The following UGGT2 variants were observed in gnomAD, a reference collection of about 807,000 sequenced individuals.
UGGT2 encodes the protein UDP-glucose glycoprotein glucosyltransferase 2, also known as UDP-glucose:glycoprotein glucosyltransferase 2.
Under a neutral mutation model 192.1 loss-of-function variants are expected in UGGT2, and 180 were observed. The ratio of observed to expected loss-of-function variants is 0.94; its 90% CI spans 0.83 to 1.06. The LOEUF (loss-of-function observed/expected upper bound fraction) is 1.06. Ranked by LOEUF, UGGT2 falls within the 50% of genes least tolerant of loss-of-function variation. UGGT2 has a pLI of 0.00. For missense variants in UGGT2, 1,849 were observed against 1,795.7 expected (o/e 1.03, Z -0.54); for synonymous variants, 580 against 591.0 (o/e 0.98, Z 0.27).
At chr13:96,045,301 A>G (rs1236773233) in intron 1 of UGGT2, among the ~76,000 whole-genome samples, 1 of 152,128 alleles carries the variant, frequency 6.6e-6, no homozygotes, top group East Asian at 1.9e-4. Flanking sequence ...TATGATTAAA[A>G]CTCTCAACAA....
rs760732818 is a variant in UGGT2, at chr13:96,023,152, T to A, written c.373A>T (p.Ile125Phe). The A allele has an allele frequency of 6.4e-7, 1 of 1,571,662 alleles. No individual in the cohort carries two copies. The highest frequency in any genetic ancestry group is 1.2e-5 in the South Asian group (1 of 81,516). ...YSPAIQMFQQ[I>F]AADEPPPDGC... is the part of the protein sequence containing the mutation. The stretch of plus-strand genomic sequence containing the variant: ...TCTGGTGGTGGCTCATCAGCTGCAA[T>A]CTAAGATTTCAAAGATTATATTTAG... The change falls in exon 4 of 39, where the codon ATT becomes TTT. Residue 125 changes from isoleucine to phenylalanine, a missense_variant and splice_region_variant. Coordinates refer to ENST00000376747, the MANE Select transcript of UGGT2 (RefSeq NM_020121.4).
At chr13:95,878,613 A>G (rs1235740505) in intron 27 of UGGT2, among the ~76,000 whole-genome samples, 1 of 152,216 alleles carries the variant, frequency 6.6e-6, no homozygotes, top group Non-Finnish European at 1.5e-5. Flanking sequence ...GAACAGCATA[A>G]CTAAACATGA....
At chr13:95,888,391 A>G (rs953048595) in intron 25 of UGGT2, among the ~76,000 whole-genome samples, 1 of 152,208 alleles carries the variant, frequency 6.6e-6, no homozygotes, top group Non-Finnish European at 1.5e-5. Flanking sequence ...CTACCTACGA[A>G]TAAATACTTT....
intron 1 of UGGT2, among the ~76,000 whole-genome samples, chr13:96,040,170 A>G (rs893453180): frequency 6.6e-6 from 1 of 152,228 alleles, no homozygotes; most frequent in Non-Finnish European, 1.5e-5. Context: ...TTAGTTTCCT[A>G]GATCTGTTTA....
intron 19 of UGGT2, among the ~76,000 whole-genome samples, chr13:95,926,349 C>G (rs541808992): frequency 3.3e-5 from 5 of 152,226 alleles, no homozygotes; most frequent in African/African-American, 1.2e-4. Context: ...CCCCTTACAA[C>G]ATAGTTCATT....
chr13:95,958,235 T>C (rs1260909866), intron 12 of UGGT2, among the ~76,000 whole-genome samples: 7 of 151,972 alleles, frequency 4.6e-5, no homozygotes, highest in Admixed American at 4.6e-4. Flanking sequence ...CACTGCAAGC[T>C]CCGCCTCCTA....
At chr13:95,910,707 G>T (rs1462899165) in intron 20 of UGGT2, among the ~76,000 whole-genome samples, 3 of 152,082 alleles carry the variant, frequency 2.0e-5, no homozygotes, top group Non-Finnish European at 4.4e-5. Context: ...AGGATATCCA[G>T]GACCTGAACT....
intron 1 of UGGT2, among the ~76,000 whole-genome samples, chr13:96,035,768 T>C (rs1012097901): frequency 6.6e-6 from 1 of 152,040 alleles, no homozygotes; most frequent in East Asian, 1.9e-4. Context: ...TAGACACTTA[T>C]CAAAATAAAA....
chr13:95,938,186 A>G (rs1335553050), intron 16 of UGGT2, among the ~76,000 whole-genome samples: 1 of 152,192 alleles, frequency 6.6e-6, no homozygotes, highest in African/African-American at 2.4e-5. Flanking sequence ...AGTCTCAGGT[A>G]TGTCTTTATC....
At position 95,874,702 on chromosome 13, in the gene UGGT2, CTTATT is replaced by C. The variant is rs200212986; in HGVS notation, c.3473+2572_3473+2576del. ...CATCCCCTTCCTTCTCCTCCTCCTT[CTTATT>C]TTGAGACAGGGTCTCACTCTGTTGC... On this transcript the variant is annotated intron_variant, in intron 29 of 38. Coordinates refer to ENST00000376747, the MANE Select transcript of UGGT2 (RefSeq NM_020121.4). 4.4e-4 allele frequency among the ~76,000 whole-genome samples: 67 copies of C among 151,850 alleles called. No individual in the cohort carries two copies. The East Asian group carries it at 0.012, about 28-fold the overall frequency.
intron 27 of UGGT2, among the ~76,000 whole-genome samples, chr13:95,880,268 T>C (rs2047455137): frequency 6.6e-6 from 1 of 152,238 alleles, no homozygotes; most frequent in Non-Finnish European, 1.5e-5. Flanking sequence ...TGCTATTGAA[T>C]GTGATTTTGT....
At chr13:95,933,608 G>T (rs1414826156) in intron 17 of UGGT2, among the ~76,000 whole-genome samples, 1 of 152,026 alleles carries the variant, frequency 6.6e-6, no homozygotes, top group Non-Finnish European at 1.5e-5. Context: ...TTTGAGGTTA[G>T]TTCATTCTTG....
intron 10 of UGGT2, among the ~76,000 whole-genome samples, chr13:95,980,593 A>C (rs1594498040): frequency 6.6e-6 from 1 of 152,176 alleles, no homozygotes; most frequent in South Asian, 2.1e-4. Context: ...TTCCCAAAAA[A>C]CCTACTGAAA....
At chr13:95,977,635 G>A (rs1006314441) in intron 10 of UGGT2, among the ~76,000 whole-genome samples, 18 of 152,272 alleles carry the variant, frequency 1.2e-4, no homozygotes, top group Admixed American at 3.3e-4. Context: ...AGACAGTGTC[G>A]ATTCCTCAAG....
chr13:95,817,167 T>A (rs547506867), intron 38 of UGGT2, among the ~76,000 whole-genome samples: 37 of 152,260 alleles, frequency 2.4e-4, no homozygotes, highest in African/African-American at 8.2e-4. Context: ...AATTGGTGAA[T>A]CTTATACCTC....
At chr13:96,049,995 G>T (rs1766632859) in intron 1 of UGGT2, among the ~76,000 whole-genome samples, 1 of 152,120 alleles carries the variant, frequency 6.6e-6, no homozygotes, top group South Asian at 2.1e-4. Context: ...AGTTCATATG[G>T]ATACAAAAGA....
At chr13:95,958,844 A>G (rs73560867) in intron 12 of UGGT2, among the ~76,000 whole-genome samples, 1,842 of 152,096 alleles carry the variant, frequency 0.012, 45 homozygotes, top group African/African-American at 0.042. Flanking sequence ...TAATGCAAGG[A>G]AAGTGTAAGT....
intron 8 of UGGT2, among the ~76,000 whole-genome samples, chr13:95,988,597 C>T (rs1223796980): frequency 6.6e-6 from 1 of 151,998 alleles, no homozygotes; most frequent in Admixed American, 6.6e-5. Flanking sequence ...ATAACAATGG[C>T]CTTGAATCTC....
At chr13:96,013,195 AAGTT>A in intron 5 of UGGT2, 108 bp downstream of exon 5, 1 of 1,087,032 alleles carries the variant, frequency 9.2e-7, no homozygotes, top group Non-Finnish European at 1.3e-6. Flanking sequence ...AAGTTAAAAA[AAGTT>A]AGATAACTAT....
Sources: gnomAD v4.1 joint callset for allele counts (sites outside exome capture counted in the v4.1 genomes callset) on GRCh38, gnomAD v4.1.1 for gene constraint, MANE v1.5 for transcripts, NCBI Gene and HGNC (gene_info 2026-07-23, HGNC 2026-07-21) for gene names.